The following OSBPL2 variants were observed in gnomAD, a reference collection of about 807,000 sequenced individuals.
OSBPL2 encodes the protein oxysterol-binding protein-related protein 2.
Under a neutral mutation model 58.4 loss-of-function variants are expected in OSBPL2, and 18 were observed. The observed-to-expected ratio is 0.31, with a 90% CI of 0.21 to 0.46. The LOEUF (loss-of-function observed/expected upper bound fraction) is 0.46, where lower values mean the gene tolerates loss of function less well. OSBPL2 is among the 20% of genes least tolerant of loss of function. OSBPL2 has a pLI of 1.00. For synonymous variants in OSBPL2, 221 were observed against 234.1 expected (o/e 0.94, Z 0.51); for missense variants, 461 against 616.5 (o/e 0.75, Z 2.67).
At chr20:62,248,672 C>CTTTCTTTA (rs1980317319) in intron 1 of OSBPL2, among the ~76,000 whole-genome samples, 1 of 147,742 alleles carries the variant, frequency 6.8e-6, no homozygotes, top group South Asian at 2.2e-4. Context: ...GTCAGATCTG[C>CTTTCTTTA]TTTATTTATT....
intron 1 of OSBPL2, among the ~76,000 whole-genome samples, chr20:62,247,542 GCTTTGACCTGTCAGGAGGAGGAGCATT>G (rs1980207201): frequency 1.3e-5 from 2 of 152,216 alleles, no homozygotes; most frequent in African/African-American, 2.4e-5. Context: ...TCTGCCAGTG[GCTTTGACCTGTCAGGAGGAGGAGCATT>G]CTTTGACCTG....
chr20:62,267,058 C>T (rs1244293687), intron 4 of OSBPL2, among the ~76,000 whole-genome samples: 2 of 152,166 alleles, frequency 1.3e-5, no homozygotes, highest in South Asian at 2.1e-4. Flanking sequence ...AGAACCAGCC[C>T]GGGCAACAAA....
intron 1 of OSBPL2, chr20:62,242,631 G>A (rs1029329829): frequency 6.6e-6 from 1 of 152,264 alleles, no homozygotes; most frequent in African/African-American, 2.4e-5. Flanking sequence ...AGGGCTTGTG[G>A]CGGTCATCAG....
intron 3 of OSBPL2, among the ~76,000 whole-genome samples, chr20:62,262,026 T>C (rs1475787583): frequency 6.6e-6 from 1 of 152,048 alleles, no homozygotes; most frequent in Non-Finnish European, 1.5e-5. Flanking sequence ...AGTATTGTGA[T>C]TAAAGGTAGG....
chr20:62,281,350 T>C (rs1344100065), intron 8 of OSBPL2, 185 bp downstream of exon 8: 3 of 577,894 alleles, frequency 5.2e-6, no homozygotes, highest in Non-Finnish European at 9.3e-6. Context: ...CCATGAATGC[T>C]CCTCGTTCAA....
intron 1 of OSBPL2, chr20:62,239,130 T>TTCTTGTCC (rs962103861): frequency 1.1e-4 from 17 of 152,216 alleles, no homozygotes; most frequent in African/African-American, 4.1e-4. Flanking sequence ...GACCCTGGCC[T>TTCTTGTCC]TCTTGTCCCG....
At chr20:62,267,247 A>T (rs1160585418) in intron 4 of OSBPL2, among the ~76,000 whole-genome samples, 1 of 152,150 alleles carries the variant, frequency 6.6e-6, no homozygotes, top group Non-Finnish European at 1.5e-5. Context: ...CCTGTCTCTA[A>T]CAAACAAACA....
intron 1 of OSBPL2, among the ~76,000 whole-genome samples, chr20:62,246,086 A>G (rs1207776433): frequency 6.6e-6 from 1 of 152,226 alleles, no homozygotes; most frequent in African/African-American, 2.4e-5. Context: ...GTCTCCTCGC[A>G]GAGGCCTGGA....
Position 62,288,330 on chromosome 20 carries a change from G to T in OSBPL2, c.1126-877G>T, listed in dbSNP as rs901715643. ...CGGGTGGTGGCTGGAGGGCCTGGCT[G>T]TGGTGGGAGGACCTGAGTGGAGCCA... On this transcript the variant is annotated intron_variant, in intron 11 of 13. Coordinates refer to ENST00000313733, the MANE Select transcript of OSBPL2 (RefSeq NM_144498.4). This position sits in a 1 kb window ranked among gnomAD's most constrained non-coding sequence, Gnocchi z 4.8. 1.3e-5 allele frequency among the ~76,000 whole-genome samples: 2 copies of T among 152,190 alleles called. No homozygotes were observed. Among genetic ancestry groups the T allele is most frequent in the Non-Finnish European group, 2.9e-5 (2 of 68,032 alleles).
intron 1 of OSBPL2, among the ~76,000 whole-genome samples, chr20:62,240,397 G>A (rs577921457): frequency 2.0e-5 from 3 of 152,270 alleles, no homozygotes; most frequent in Non-Finnish European, 2.9e-5. Context: ...CCCAGCAGAC[G>A]ATAATATTTA....
intron 9 of OSBPL2, 115 bp downstream of exon 9, chr20:62,281,994 A>G (rs1982823875): frequency 4.8e-6 from 3 of 627,686 alleles, no homozygotes; most frequent in South Asian, 1.9e-5. Flanking sequence ...CGGGTACACC[A>G]GTGCCATCTG....
At chr20:62,243,742 T>G (rs1228694503) in intron 1 of OSBPL2, among the ~76,000 whole-genome samples, 1 of 152,112 alleles carries the variant, frequency 6.6e-6, no homozygotes, top group African/African-American at 2.4e-5. Context: ...AGGACCCTTT[T>G]TTAGATCAAG....
chr20:62,279,376 G>A (rs752114485), intron 7 of OSBPL2, 37 bp downstream of exon 7: 6 of 1,596,452 alleles, frequency 3.8e-6, no homozygotes, highest in African/African-American at 1.3e-5. Flanking sequence ...TCCGCTTCCT[G>A]CAGAAACTGA....
intron 2 of OSBPL2, among the ~76,000 whole-genome samples, chr20:62,258,334 C>T (rs964761956): frequency 6.6e-6 from 1 of 152,232 alleles, no homozygotes. Flanking sequence ...CTATAATACT[C>T]ATCTGACTTT....
In OSBPL2 at chr20:62,293,979, ACTTTT is replaced by A. The variant is rs781256781; in HGVS notation, c.*95_*99del. On this transcript the variant is annotated 3_prime_UTR_variant, in exon 14 of 14. Coordinates refer to ENST00000313733, the MANE Select transcript of OSBPL2 (RefSeq NM_144498.4). Reference sequence around the variant, plus strand: ...GTGAGCCTCGTCACAGCAGAAACCAACTTTTCTAACGACTGAGTTCGCGGAGATAG... The same window carrying A: ...GTGAGCCTCGTCACAGCAGAAACCAACTAACGACTGAGTTCGCGGAGATAG... 4.7e-6 allele frequency: 7 copies of A among 1,504,204 alleles called. No individual in the cohort carries two copies. The allele number at this position is 1,504,204 out of a possible 1,614,324, so 93.2% of individuals were successfully genotyped here.
chr20:62,267,210 A>C (rs552953574), intron 4 of OSBPL2, among the ~76,000 whole-genome samples: 1 of 152,054 alleles, frequency 6.6e-6, no homozygotes, highest in East Asian at 1.9e-4. Context: ...ACATTACTAC[A>C]CTCCAGCCTG....
At chr20:62,252,993 T>G (rs1980665128) in intron 1 of OSBPL2, among the ~76,000 whole-genome samples, 1 of 152,174 alleles carries the variant, frequency 6.6e-6, no homozygotes, top group African/African-American at 2.4e-5. Context: ...GGAGGTTTGG[T>G]GGTGGGGACA....
At chr20:62,280,845 A>G (rs1459612620) in intron 7 of OSBPL2, among the ~76,000 whole-genome samples, 1 of 152,266 alleles carries the variant, frequency 6.6e-6, no homozygotes, top group Non-Finnish European at 1.5e-5. Flanking sequence ...ACATTTAAGT[A>G]GAAAGCTTTG....
At position 62,294,801 on chromosome 20, in the gene OSBPL2, T is replaced by G. The variant is rs1983757126; in HGVS notation, c.*914T>G. 6.6e-6 allele frequency: 1 copy of G among 152,194 alleles called. No individual in the cohort carries two copies. Among genetic ancestry groups the G allele is most frequent in the Non-Finnish European group, 1.5e-5 (1 of 68,036 alleles). 9.4% of individuals were successfully genotyped at this position (152,194 alleles called of 1,614,324 possible). A position where few individuals can be genotyped will look rare whatever the true frequency, so the allele number is the denominator to read the frequency against. On this transcript the variant is annotated 3_prime_UTR_variant, in exon 14 of 14. Transcript: ENST00000313733. Reference sequence around the variant, plus strand: ...CCAGTATGCATGTTTAAAATAGAAGTGACAAGAATCACATCCGGTTGTGTC... The same window carrying G: ...CCAGTATGCATGTTTAAAATAGAAGGGACAAGAATCACATCCGGTTGTGTC...
Sources: allele counts gnomAD v4.1 joint callset (sites outside exome capture counted in the v4.1 genomes callset), GRCh38; gene constraint gnomAD v4.1.1; non-coding constraint Gnocchi (gnomAD v3.1); transcripts MANE v1.5; gene names NCBI Gene and HGNC (gene_info 2026-07-23, HGNC 2026-07-21).